SKAP1: variants seen among roughly 807,000 people sequenced by gnomAD.
SKAP1 encodes the protein src kinase-associated phosphoprotein 1.
A neutral mutation model predicts 58.5 loss-of-function variants in SKAP1; 44 were observed. The observed-to-expected ratio is 0.75, with a 90% CI of 0.59 to 0.97. The LOEUF (loss-of-function observed/expected upper bound fraction) is 0.97, where lower values mean the gene tolerates loss of function less well. Ranked by LOEUF, SKAP1 falls within the 50% of genes least tolerant of loss-of-function variation. SKAP1 has a pLI of 0.00. For missense variants in SKAP1, 390 were observed against 435.2 expected, an observed-to-expected ratio of 0.90 and a Z score of 0.92; for synonymous variants, 127 against 149.7, an observed-to-expected ratio of 0.85 and a Z score of 1.11.
intron 1 of SKAP1, among the ~76,000 whole-genome samples, chr17:48,404,090 G>GAA (rs35347144): frequency 0.015 from 1,758 of 115,008 alleles, 15 homozygotes; most frequent in Non-Finnish European, 0.025. Flanking sequence ...CTCTGTCTCG[G>GAA]AAAAAAAAAA....
At chr17:48,439,407 C>G in the SKAP1 span, among the ~76,000 whole-genome samples, 1 of 152,200 alleles carries the variant, frequency 6.6e-6, no homozygotes, top group Non-Finnish European at 1.5e-5. Context: ...TCTAAACAGC[C>G]TCTGCTCTCA....
upstream of SKAP1, among the ~76,000 whole-genome samples, chr17:48,433,255 A>C (rs755728094): frequency 2.0e-5 from 3 of 152,204 alleles, no homozygotes; most frequent in Non-Finnish European, 4.4e-5. Flanking sequence ...AACCACATGG[A>C]GGAGTCTTAG....
chr17:48,139,206 G>A (rs977251598), intron 11 of SKAP1, among the ~76,000 whole-genome samples: 1 of 148,886 alleles, frequency 6.7e-6, no homozygotes, highest in East Asian at 2.0e-4. Context: ...TTTTGAGATG[G>A]AGTCTCGCTC....
chr17:48,192,558 T>C (rs1211141553), intron 4 of SKAP1, among the ~76,000 whole-genome samples: 1 of 152,026 alleles, frequency 6.6e-6, no homozygotes, highest in Non-Finnish European at 1.5e-5. Flanking sequence ...GGCAGGAGCA[T>C]AAAAAATGCC....
intron 11 of SKAP1, among the ~76,000 whole-genome samples, chr17:48,160,249 C>A (rs574469213): frequency 1.4e-4 from 22 of 152,242 alleles, no homozygotes; most frequent in African/African-American, 5.3e-4. Flanking sequence ...CCCAGCTCAG[C>A]TTCCAGAGTA....
At chr17:48,233,731 C>T (rs1369426091) in intron 4 of SKAP1, among the ~76,000 whole-genome samples, 1 of 152,016 alleles carries the variant, frequency 6.6e-6, no homozygotes, top group African/African-American at 2.4e-5. Flanking sequence ...TGGCTCGCAC[C>T]TGTAATCCCA....
intron 2 of SKAP1, among the ~76,000 whole-genome samples, chr17:48,372,105 A>G (rs1488167358): frequency 2.0e-5 from 3 of 150,272 alleles, no homozygotes; most frequent in Non-Finnish European, 3.0e-5. Context: ...CTGAGTAGCT[A>G]GGATTACAAA....
intron 4 of SKAP1, among the ~76,000 whole-genome samples, chr17:48,213,350 C>CAAAAA (rs71366849): frequency 9.9e-6 from 1 of 101,020 alleles, no homozygotes; most frequent in African/African-American, 4.2e-5. Context: ...AACTCTGTCT[C>CAAAAA]AAAAAAAAAA....
At chr17:48,423,769 T>C (rs1224507397) in intron 1 of SKAP1, among the ~76,000 whole-genome samples, 1 of 152,140 alleles carries the variant, frequency 6.6e-6, no homozygotes, top group East Asian at 1.9e-4. Flanking sequence ...TGTTTGTTTG[T>C]TTTCTGAGAC....
At chr17:48,198,456 A>AAAAAAC (rs2064675162) in intron 4 of SKAP1, among the ~76,000 whole-genome samples, 2 of 118,190 alleles carry the variant, frequency 1.7e-5, no homozygotes, top group African/African-American at 3.4e-5. Context: ...CTCCGTCTCA[A>AAAAAAC]AAAAAAAAAA....
intron 3 of SKAP1, among the ~76,000 whole-genome samples, chr17:48,359,700 A>G (rs2144382967): frequency 6.6e-6 from 1 of 152,232 alleles, no homozygotes; most frequent in Middle Eastern, 3.4e-3. Flanking sequence ...TCAACCTGCC[A>G]GGCTTGAGTG....
chr17:48,444,111 G>A, the SKAP1 span, among the ~76,000 whole-genome samples: 7 of 141,858 alleles, frequency 4.9e-5, no homozygotes, highest in Admixed American at 1.4e-4. Flanking sequence ...CACCTAGTAC[G>A]AGGCCGGGCG....
chr17:48,256,015 G>C (rs2065419125), intron 4 of SKAP1, among the ~76,000 whole-genome samples: 1 of 152,070 alleles, frequency 6.6e-6, no homozygotes, highest in African/African-American at 2.4e-5. Flanking sequence ...AAAGAGCAAA[G>C]GAAAAAGGCT....
intron 2 of SKAP1, among the ~76,000 whole-genome samples, chr17:48,371,241 T>A (rs918531954): frequency 1.3e-5 from 2 of 152,152 alleles, no homozygotes; most frequent in Non-Finnish European, 2.9e-5. Context: ...CTATATACCC[T>A]GTAACAAACC....
intron 4 of SKAP1, among the ~76,000 whole-genome samples, chr17:48,290,375 T>A (rs372604481): frequency 1.3e-5 from 2 of 152,238 alleles, no homozygotes; most frequent in Admixed American, 1.3e-4. Context: ...CACTGAACAC[T>A]CATTCCAACT....
At chr17:48,195,369 T>C (rs999162140) in intron 4 of SKAP1, among the ~76,000 whole-genome samples, 7 of 152,216 alleles carry the variant, frequency 4.6e-5, no homozygotes, top group Non-Finnish European at 1.0e-4. Flanking sequence ...AACAGGCATA[T>C]ATAATTCTTT....
At chr17:48,438,121 T>G in the SKAP1 span, among the ~76,000 whole-genome samples, 30,474 of 152,126 alleles carry the variant, frequency 0.2, 3,099 homozygotes, top group Non-Finnish European at 0.21. Flanking sequence ...GGTCCTAAAG[T>G]CAGACAACCC....
intron 4 of SKAP1, among the ~76,000 whole-genome samples, chr17:48,206,958 AT>A (rs1455911143): frequency 6.6e-6 from 1 of 152,116 alleles, no homozygotes; most frequent in Non-Finnish European, 1.5e-5. Flanking sequence ...GCTTTATTTG[AT>A]TTTTAAGAAC....
In SKAP1 at chr17:48,215,659, A is replaced by G. The variant is rs575545568; in HGVS notation, c.281-26159T>C. 5.0e-4 allele frequency among the ~76,000 whole-genome samples: 75 copies of G among 150,042 alleles called. 1 individual carries two copies. Among genetic ancestry groups the G allele is most frequent in the Admixed American group, 1.3e-3 (20 of 15,036 alleles). ...CTTTTTGCTAAGGTTCTTAACAGAAATTTTTTTTTTTCCTGCTGTTGGATG... is the reference window on the plus strand; with the variant it reads ...CTTTTTGCTAAGGTTCTTAACAGAAGTTTTTTTTTTTCCTGCTGTTGGATG... On this transcript the variant is annotated intron_variant, in intron 4 of 12. Transcript: ENST00000336915.
Sources: gnomAD v4.1 joint callset for allele counts (sites outside exome capture counted in the v4.1 genomes callset) on GRCh38, gnomAD v4.1.1 for gene constraint, MANE v1.5 for transcripts, NCBI Gene and HGNC (gene_info 2026-07-23, HGNC 2026-07-21) for gene names.